Variants in LINGO2 observed in about 807,000 individuals in gnomAD.
The protein encoded by LINGO2 is leucine-rich repeat and immunoglobulin-like domain-containing nogo receptor-interacting protein 2.
LINGO2 carries 14 observed loss-of-function variants against 30.6 expected under a neutral mutation model. That is an observed-to-expected ratio of 0.46 (90% confidence interval 0.30 to 0.72). The LOEUF is 0.72. Among genes scored for constraint, LINGO2 ranks in the 30% least tolerant of loss-of-function variants. The pLI, the probability that LINGO2 is intolerant of heterozygous loss-of-function variation, is 0.07. For missense variants in LINGO2, 729 were observed against 751.7 expected, an observed-to-expected ratio of 0.97 and a Z score of 0.35; for synonymous variants, 317 against 288.5, an observed-to-expected ratio of 1.10 and a Z score of -1.00.
chr9:27,980,708 A>G (rs1011651240), intron 5 of LINGO2, among the ~76,000 whole-genome samples: 11 of 151,818 alleles, frequency 7.2e-5, no homozygotes, highest in Admixed American at 5.9e-4. Flanking sequence ...TGTCATGCAC[A>G]TGGTTTGATT....
intron 2 of LINGO2, among the ~76,000 whole-genome samples, chr9:28,396,628 C>T (rs1438649752): frequency 2.2e-5 from 3 of 136,476 alleles, no homozygotes; most frequent in Admixed American, 8.5e-5. Context: ...GGCGTGAACC[C>T]GGGAGGCGGA....
At chr9:28,029,794 C>T (rs1823575730) in intron 4 of LINGO2, among the ~76,000 whole-genome samples, 1 of 152,098 alleles carries the variant, frequency 6.6e-6, no homozygotes, top group Non-Finnish European at 1.5e-5. Flanking sequence ...TAGAATAGTT[C>T]CTGGCATGTA....
At chr9:28,081,239 G>A (rs986283498) in intron 4 of LINGO2, among the ~76,000 whole-genome samples, 2 of 150,514 alleles carry the variant, frequency 1.3e-5, no homozygotes, top group Non-Finnish European at 2.9e-5. Flanking sequence ...ATTGCCAAAT[G>A]TCCCCAGGGG....
chr9:28,650,502 G>A (rs544441469), intron 1 of LINGO2, among the ~76,000 whole-genome samples: 112 of 152,184 alleles, frequency 7.4e-4, no homozygotes, highest in African/African-American at 2.5e-3. Context: ...AGATGAGGTC[G>A]CCTTTTCCTT....
chr9:29,041,750 A>G, the LINGO2 span, among the ~76,000 whole-genome samples: 54 of 152,072 alleles, frequency 3.6e-4, no homozygotes, highest in African/African-American at 1.3e-3. Context: ...ATAAAAAGTT[A>G]TTAGACTTAA....
intron 4 of LINGO2, among the ~76,000 whole-genome samples, chr9:28,123,686 C>T (rs192091826): frequency 7.4e-5 from 11 of 149,238 alleles, no homozygotes; most frequent in South Asian, 4.2e-4. Context: ...TTTTTTTTGA[C>T]GGAGTCTCAT....
intron 1 of LINGO2, among the ~76,000 whole-genome samples, chr9:28,632,683 A>T (rs1165533858): frequency 3.8e-5 from 4 of 105,446 alleles, no homozygotes; most frequent in African/African-American, 6.6e-5. Flanking sequence ...TCTATATAAA[A>T]ATATATTTAT....
At chr9:28,248,337 A>T (rs1416000296) in intron 4 of LINGO2, among the ~76,000 whole-genome samples, 1 of 152,200 alleles carries the variant, frequency 6.6e-6, no homozygotes, top group Admixed American at 6.5e-5. Context: ...CATTATGTTA[A>T]GTGATATAAG....
At chr9:28,773,786 G>T in the LINGO2 span, among the ~76,000 whole-genome samples, 1 of 152,068 alleles carries the variant, frequency 6.6e-6, no homozygotes, top group Non-Finnish European at 1.5e-5. Flanking sequence ...TGGAGAGAGG[G>T]TAAAATATGA....
In LINGO2 at chr9:28,078,504, T is replaced by C. The variant is rs1200832128; in HGVS notation, c.-86-66099A>G. ...AATAGTGATCCTAGGAGCTACCATA[T>C]ATGCCTTATTGACAAATTATGTTAT... On this transcript the variant is annotated intron_variant, in intron 4 of 5. Transcript: ENST00000379992. Among the ~76,000 whole-genome samples, 4 of 148,754 alleles carry C rather than the reference T, an allele frequency of 2.7e-5. No individual in the cohort carries two copies. In the East Asian group the frequency reaches 5.8e-4, roughly 21 times the overall value.
chr9:28,849,548 T>C, the LINGO2 span, among the ~76,000 whole-genome samples: 1 of 152,034 alleles, frequency 6.6e-6, no homozygotes, highest in East Asian at 1.9e-4. Context: ...TATGGTGGCA[T>C]AGTCCATAAT....
the LINGO2 span, among the ~76,000 whole-genome samples, chr9:29,182,893 G>A: frequency 7.9e-5 from 12 of 152,140 alleles, no homozygotes; most frequent in East Asian, 2.1e-3. Flanking sequence ...ACCAAAATTA[G>A]CAGACCATCC....
chr9:28,537,564 T>C (rs1821490572), intron 1 of LINGO2, among the ~76,000 whole-genome samples: 1 of 151,912 alleles, frequency 6.6e-6, no homozygotes, highest in South Asian at 2.1e-4. Flanking sequence ...AAAAAATGTT[T>C]TAAAGAGACC....
chr9:28,303,257 T>C (rs182088219), intron 3 of LINGO2, among the ~76,000 whole-genome samples: 1 of 152,216 alleles, frequency 6.6e-6, no homozygotes, highest in Non-Finnish European at 1.5e-5. Flanking sequence ...TAAACCAACA[T>C]GCTCCTCTTT....
chr9:28,659,979 C>G (rs999816560), intron 1 of LINGO2, among the ~76,000 whole-genome samples: 2 of 151,928 alleles, frequency 1.3e-5, no homozygotes, highest in Admixed American at 6.6e-5. Context: ...GTAAATAATC[C>G]TGGAAGAAAA....
chr9:28,240,515 C>T (rs1821745172), intron 4 of LINGO2, among the ~76,000 whole-genome samples: 1 of 152,094 alleles, frequency 6.6e-6, no homozygotes, highest in African/African-American at 2.4e-5. Flanking sequence ...ACATTTTTGA[C>T]AAATGTGTCA....
chr9:28,956,262 T>G, the LINGO2 span, among the ~76,000 whole-genome samples: 1 of 152,076 alleles, frequency 6.6e-6, no homozygotes, highest in East Asian at 1.9e-4. Context: ...GTATGTAATC[T>G]TAGTTGGAGA....
At position 28,540,277 on chromosome 9, in the gene LINGO2, C is replaced by CCT. The variant is rs1249840924; in HGVS notation, c.-364-64254_-364-64253dup. 4.6e-3 allele frequency among the ~76,000 whole-genome samples: 641 copies of CCT among 139,472 alleles called. 8 individuals carry two copies. Among genetic ancestry groups the CCT allele is most frequent in the African/African-American group, 0.016 (570 of 35,846 alleles). 91.5% of individuals were successfully genotyped at this position (139,472 alleles called of 152,430 possible). A position where few individuals can be genotyped will look rare whatever the true frequency, so the allele number is the denominator to read the frequency against. On this transcript the variant is annotated intron_variant, in intron 1 of 5. Transcript: ENST00000379992. ...CTTTCTGTCTCTCTCTCTCTCTCTC[C>CCT]CTCTCTCTCTCTCTCTCTGTTACCC...
At chr9:28,994,719 T>C in the LINGO2 span, among the ~76,000 whole-genome samples, 2 of 151,998 alleles carry the variant, frequency 1.3e-5, no homozygotes, top group Non-Finnish European at 2.9e-5. Context: ...GCGCCGCATA[T>C]CTGCAACTAT....
Sources: gnomAD v4.1 joint callset for allele counts (sites outside exome capture counted in the v4.1 genomes callset) on GRCh38, gnomAD v4.1.1 for gene constraint, MANE v1.5 for transcripts, NCBI Gene and HGNC (gene_info 2026-07-23, HGNC 2026-07-21) for gene names.